Variants in MEIKIN observed in about 807,000 individuals in gnomAD.
MEIKIN encodes the protein meiotic kinetochore factor.
At chr5:131,822,006 T>A (rs1749517299) in intron 11 of MEIKIN, among the ~76,000 whole-genome samples, 1 of 152,212 alleles carries the variant, frequency 6.6e-6, no homozygotes, top group African/African-American at 2.4e-5. Flanking sequence ...AATCATTATA[T>A]GCTCTTACTG....
At position 131,876,744 on chromosome 5, in the gene MEIKIN, C is replaced by G. The variant is rs575325176; in HGVS notation, c.774+2234G>C. Among the ~76,000 whole-genome samples, 16 of 151,764 alleles carry G rather than the reference C, an allele frequency of 1.1e-4. No individual in the cohort carries two copies. The East Asian group carries it at 2.9e-3, about 27-fold the overall frequency. On this transcript the variant is annotated intron_variant, in intron 9 of 12. Coordinates refer to ENST00000442687, the MANE Select transcript of MEIKIN (RefSeq NM_001303622.2). ...CACAATAGCAAAGACTTGGAACCAA[C>G]CCAAATGTCCAACGATGATAGACTG...
intron 12 of MEIKIN, 38 bp downstream of exon 12, chr5:131,818,702 T>C: frequency 2.5e-6 from 1 of 395,610 alleles, no homozygotes. Context: ...ATGTTTTATA[T>C]CATCCAAAAA....
At chr5:131,835,269 C>A (rs192521748) in intron 11 of MEIKIN, among the ~76,000 whole-genome samples, 1 of 150,602 alleles carries the variant, frequency 6.6e-6, no homozygotes, top group African/African-American at 2.5e-5. Context: ...ATGATATCAA[C>A]TCCTTATCAG....
chr5:131,891,179 A>G (rs1750909541), intron 8 of MEIKIN, among the ~76,000 whole-genome samples: 2 of 152,008 alleles, frequency 1.3e-5, no homozygotes, highest in Admixed American at 1.3e-4. Flanking sequence ...GGTGCTGAAA[A>G]GAATGTATAT....
At chr5:131,820,744 G>C (rs746846251) in intron 11 of MEIKIN, among the ~76,000 whole-genome samples, 4 of 152,078 alleles carry the variant, frequency 2.6e-5, no homozygotes, top group African/African-American at 4.8e-5. Flanking sequence ...AATCTTTGTA[G>C]GTTCTATGTG....
At chr5:131,878,876 TAA>T (rs34025279) in intron 9 of MEIKIN, 100 bp downstream of exon 9, 18,263 of 311,290 alleles carry the variant, frequency 0.059, no homozygotes, top group Middle Eastern at 0.086. Flanking sequence ...CCCCATTTCT[TAA>T]AAAAAAAAAA....
chr5:131,887,194 G>C (rs1301857295), intron 8 of MEIKIN, among the ~76,000 whole-genome samples: 1 of 151,990 alleles, frequency 6.6e-6, no homozygotes, highest in Non-Finnish European at 1.5e-5. Flanking sequence ...GTATTCCATG[G>C]GGTATATGTG....
intron 12 of MEIKIN, 64 bp downstream of exon 12, chr5:131,818,676 A>C (rs1466937012): frequency 2.6e-6 from 1 of 390,500 alleles, no homozygotes; most frequent in African/African-American, 2.1e-5. Flanking sequence ...TACATAAGGC[A>C]TTTTTAATGA....
At chr5:131,874,100 C>A (rs193190568) in intron 9 of MEIKIN, among the ~76,000 whole-genome samples, 55 of 152,206 alleles carry the variant, frequency 3.6e-4, no homozygotes, top group African/African-American at 1.3e-3. Flanking sequence ...AAAGCCAGAG[C>A]AAACACATTC....
chr5:131,929,991 A>G (rs923654780), intron 5 of MEIKIN, among the ~76,000 whole-genome samples: 1 of 152,178 alleles, frequency 6.6e-6, no homozygotes, highest in Non-Finnish European at 1.5e-5. Context: ...TGCAACAAAC[A>G]TATGTGTTCA....
chr5:131,930,589 A>G (rs1368713409), intron 5 of MEIKIN, among the ~76,000 whole-genome samples: 1 of 151,860 alleles, frequency 6.6e-6, no homozygotes, highest in Non-Finnish European at 1.5e-5. Context: ...ATTCTTCTTG[A>G]GCTAGTGTGC....
intron 9 of MEIKIN, among the ~76,000 whole-genome samples, chr5:131,872,320 A>T (rs56165647): frequency 0.027 from 4,041 of 152,352 alleles, 189 homozygotes; most frequent in African/African-American, 0.092. Context: ...GATGGAGCTG[A>T]AAACCACGGC....
chr5:131,914,414 A>C (rs2149644774), intron 7 of MEIKIN, among the ~76,000 whole-genome samples: 1 of 150,294 alleles, frequency 6.7e-6, no homozygotes, highest in South Asian at 2.1e-4. Context: ...AAAGAAAGGA[A>C]AGAAGGAAGG....
At chr5:131,811,780 G>T (rs1772961668) in intron 12 of MEIKIN, among the ~76,000 whole-genome samples, 1 of 152,094 alleles carries the variant, frequency 6.6e-6, no homozygotes, top group African/African-American at 2.4e-5. Flanking sequence ...CTAATTTTTT[G>T]TAGTTTTAGT....
intron 9 of MEIKIN, among the ~76,000 whole-genome samples, chr5:131,869,556 C>T (rs942585435): frequency 1.3e-5 from 2 of 152,146 alleles, no homozygotes; most frequent in Non-Finnish European, 2.9e-5. Context: ...CTCCTGAGGC[C>T]AGGCCTTGTT....
chr5:131,863,105 T>C (rs1750315876), intron 9 of MEIKIN, among the ~76,000 whole-genome samples: 2 of 152,200 alleles, frequency 1.3e-5, no homozygotes, highest in South Asian at 4.1e-4. Context: ...CCAAACTTCC[T>C]CTTGGTATTG....
At chr5:131,899,015 G>A (rs1313936086) in intron 8 of MEIKIN, among the ~76,000 whole-genome samples, 3 of 152,172 alleles carry the variant, frequency 2.0e-5, no homozygotes, top group South Asian at 2.1e-4. Flanking sequence ...TGTCGATCAC[G>A]CTGGGAGCTG....
intron 9 of MEIKIN, among the ~76,000 whole-genome samples, chr5:131,869,105 G>A (rs888536553): frequency 1.3e-5 from 2 of 152,192 alleles, no homozygotes; most frequent in Non-Finnish European, 2.9e-5. Context: ...AAGGTTTACA[G>A]TTTTGCATTT....
Position 131,884,662 on chromosome 5 carries a change from G to A in MEIKIN, c.704-5614C>T, listed in dbSNP as rs574717201. Among the ~76,000 whole-genome samples the A allele has an allele frequency of 1.8e-4, 28 of 152,224 alleles. No individual in the cohort carries two copies. In the South Asian group the frequency reaches 3.7e-3, roughly 20 times the overall value. ...CTGAGAAAAGTGAGGGAAATGTAAA[G>A]GAGATTTTATCTTGCACCTTAGATA... On this transcript the variant is annotated intron_variant, in intron 8 of 12. Transcript: ENST00000442687.
Sources: allele counts gnomAD v4.1 joint callset (sites outside exome capture counted in the v4.1 genomes callset), GRCh38; gene constraint gnomAD v4.1.1; transcripts MANE v1.5; gene names NCBI Gene and HGNC (gene_info 2026-07-23, HGNC 2026-07-21).